ZNF277: variants seen among roughly 807,000 people sequenced by gnomAD.
ZNF277 encodes zinc finger protein 277.
A neutral mutation model predicts 60.7 loss-of-function variants in ZNF277; 55 were observed. That is an observed-to-expected ratio of 0.91 (90% confidence interval 0.73 to 1.13). The LOEUF (loss-of-function observed/expected upper bound fraction) is 1.13, where lower values mean the gene tolerates loss of function less well. Among genes scored for constraint, ZNF277 ranks in the 50% most tolerant of loss-of-function variants. The pLI is 0.00. For synonymous variants in ZNF277, 178 were observed against 179.3 expected (o/e 0.99, Z 0.06); for missense variants, 510 against 523.0 (o/e 0.98, Z 0.24).
At chr7:112,330,818 A>G (rs891327922) in intron 7 of ZNF277, among the ~76,000 whole-genome samples, 1 of 152,096 alleles carries the variant, frequency 6.6e-6, no homozygotes, top group Admixed American at 6.6e-5. Flanking sequence ...TCCTGGCCTC[A>G]AGTGAACCAC....
chr7:112,304,099 T>G (rs1033886131), intron 4 of ZNF277, among the ~76,000 whole-genome samples: 1 of 152,042 alleles, frequency 6.6e-6, no homozygotes, highest in African/African-American at 2.4e-5. Context: ...TTTTCCTTGT[T>G]TATTTAAGAT....
chr7:112,234,651 C>G (rs1822438084), intron 1 of ZNF277, among the ~76,000 whole-genome samples: 1 of 152,086 alleles, frequency 6.6e-6, no homozygotes, highest in Non-Finnish European at 1.5e-5. Flanking sequence ...AGATGCCTAT[C>G]CTTGAGAATG....
In ZNF277 at chr7:112,340,936, A is replaced by T; in HGVS notation, c.1074A>T (p.Arg358Ser). 1.9e-6 allele frequency: 3 copies of T among 1,613,076 alleles called. No individual in the cohort carries two copies. The highest frequency in any genetic ancestry group is 2.7e-5 in the African/African-American group (2 of 75,036). Residue 358 changes from arginine (R) to serine (S), a missense_variant, in exon 11 of 12, where the codon AGA becomes AGT. Transcript: ENST00000361822. ...NFIRRQVHQCRCYGCHVKFKS... is the reference protein window; with the variant it reads ...NFIRRQVHQCSCYGCHVKFKS... ...TTCGGAGGCAAGTTCACCAATGCAG[A>T]TGTTATGGCTGCCATGTGAAGTTCA...
chr7:112,329,078 G>A, intron 6 of ZNF277, among the ~76,000 whole-genome samples: 2 of 151,998 alleles, frequency 1.3e-5, no homozygotes, highest in South Asian at 4.2e-4. Context: ...CCCATAAATT[G>A]TCAACTATAA....
intron 1 of ZNF277, among the ~76,000 whole-genome samples, chr7:112,239,237 T>C (rs1376546807): frequency 6.6e-6 from 1 of 152,140 alleles, no homozygotes; most frequent in Non-Finnish European, 1.5e-5. Context: ...AAAGCACCAG[T>C]AGATTCCTAA....
intron 4 of ZNF277, among the ~76,000 whole-genome samples, chr7:112,306,125 T>G (rs1425069970): frequency 6.6e-6 from 1 of 152,068 alleles, no homozygotes; most frequent in Non-Finnish European, 1.5e-5. Flanking sequence ...CTTTAATTAA[T>G]GGCTGAAAAC....
intron 1 of ZNF277, among the ~76,000 whole-genome samples, chr7:112,268,768 T>TACC (rs1238922107): frequency 6.6e-6 from 1 of 152,206 alleles, no homozygotes; most frequent in Non-Finnish European, 1.5e-5. Context: ...CTTATTTTGA[T>TACC]TTACTCTCAA....
At chr7:112,215,682 G>A (rs548598266) in intron 1 of ZNF277, among the ~76,000 whole-genome samples, 1 of 152,264 alleles carries the variant, frequency 6.6e-6, no homozygotes, top group South Asian at 2.1e-4. Context: ...GGAAATTCTT[G>A]TTTTGCCTCC....
Position 112,337,829 on chromosome 7 carries a change from A to G in ZNF277, c.966+3A>G. The G allele has an allele frequency of 6.2e-7, 1 of 1,607,448 alleles. No individual in the cohort carries two copies. Among genetic ancestry groups the G allele is most frequent in the Non-Finnish European group, 8.5e-7 (1 of 1,177,178 alleles). ...AGAAGTTGTATGTCCACATGGAGGT[A>G]AGATACCTGTATTTATTTGAATTTT... On this transcript the variant is annotated splice_donor_region_variant and intron_variant, in intron 9 of 11. Coordinates refer to ENST00000361822, the MANE Select transcript of ZNF277 (RefSeq NM_021994.3).
chr7:112,323,569 A>G (rs1363445282), intron 5 of ZNF277, among the ~76,000 whole-genome samples: 2 of 152,184 alleles, frequency 1.3e-5, no homozygotes, highest in Admixed American at 1.3e-4. Flanking sequence ...TGTCAAGGCT[A>G]TTGTGGAGCT....
intron 1 of ZNF277, among the ~76,000 whole-genome samples, chr7:112,262,404 A>G (rs968730247): frequency 1.3e-5 from 2 of 152,120 alleles, no homozygotes; most frequent in African/African-American, 4.8e-5. Context: ...GGATATTGTC[A>G]TTACAAAGAG....
chr7:112,270,993 C>G (rs1259606361), intron 1 of ZNF277, among the ~76,000 whole-genome samples: 1 of 152,008 alleles, frequency 6.6e-6, no homozygotes, highest in Non-Finnish European at 1.5e-5. Context: ...TTCAAAGCTC[C>G]CAAGTTGATT....
At chr7:112,264,311 A>G (rs1005623916) in intron 1 of ZNF277, among the ~76,000 whole-genome samples, 1 of 152,158 alleles carries the variant, frequency 6.6e-6, no homozygotes, top group East Asian at 1.9e-4. Context: ...CCACAACATA[A>G]TATATAAGTA....
At chr7:112,212,267 A>G (rs714044) in intron 1 of ZNF277, among the ~76,000 whole-genome samples, 1,918 of 152,328 alleles carry the variant, frequency 0.013, 44 homozygotes, top group African/African-American at 0.042. Flanking sequence ...CATCATCTAT[A>G]TGGCTGTTAC....
chr7:112,293,471 C>A (rs1288530254), intron 2 of ZNF277, among the ~76,000 whole-genome samples: 1 of 150,660 alleles, frequency 6.6e-6, no homozygotes, highest in East Asian at 2.0e-4. Context: ...CCCAGCTACT[C>A]GGGAGGCTGA....
At chr7:112,278,881 A>G (rs1791879478) in intron 1 of ZNF277, among the ~76,000 whole-genome samples, 1 of 152,176 alleles carries the variant, frequency 6.6e-6, no homozygotes, top group African/African-American at 2.4e-5. Flanking sequence ...TTCCATACTC[A>G]TTAAACAGTA....
intron 1 of ZNF277, among the ~76,000 whole-genome samples, chr7:112,251,184 A>AT (rs1416008456): frequency 1.3e-5 from 2 of 152,050 alleles, no homozygotes; most frequent in Non-Finnish European, 2.9e-5. Flanking sequence ...CCCAGAGTGA[A>AT]TTTTTCTCTT....
At chr7:112,300,513 TCA>T (rs1792450044) in intron 4 of ZNF277, among the ~76,000 whole-genome samples, 1 of 152,202 alleles carries the variant, frequency 6.6e-6, no homozygotes, top group Non-Finnish European at 1.5e-5. Context: ...CAAGATCTTA[TCA>T]CCTGTTCAGG....
chr7:112,336,227 T>C (rs1793331899), intron 8 of ZNF277, 56 bp downstream of exon 8: 1 of 1,475,036 alleles, frequency 6.8e-7, no homozygotes, highest in Non-Finnish European at 9.2e-7. Context: ...AAGAAGACAA[T>C]GCTTTAGTTT....
Sources: gnomAD v4.1 joint callset for allele counts (sites outside exome capture counted in the v4.1 genomes callset) on GRCh38, gnomAD v4.1.1 for gene constraint, MANE v1.5 for transcripts, NCBI Gene and HGNC (gene_info 2026-07-23, HGNC 2026-07-21) for gene names.